CD36: variants seen among roughly 807,000 people sequenced by gnomAD.
CD36 encodes the protein platelet glycoprotein 4.
A neutral mutation model predicts 55.2 loss-of-function variants in CD36; 119 were observed. The observed-to-expected ratio is 2.15, with a 90% CI of 1.86 to 2.51. The LOEUF (loss-of-function observed/expected upper bound fraction) is 2.51. CD36 is among the 30% of genes most tolerant of loss of function. The pLI is 0.00. For synonymous variants in CD36, 186 were observed against 193.6 expected, an observed-to-expected ratio of 0.96 and a Z score of 0.33; for missense variants, 819 against 555.5, an observed-to-expected ratio of 1.47 and a Z score of -4.77.
chr7:80,636,935 C>T (rs1312404504), upstream of CD36: 1 of 151,990 alleles, frequency 6.6e-6, no homozygotes, highest in Non-Finnish European at 1.5e-5. Flanking sequence ...TCATGGGACT[C>T]TGTGACATTT....
chr7:80,632,011 G>A (rs1011299971), intron 1 of CD36, among the ~76,000 whole-genome samples: 4 of 151,760 alleles, frequency 2.6e-5, no homozygotes, highest in Non-Finnish European at 4.4e-5. Context: ...TTGAGAAGTA[G>A]CACTCCAAAC....
intron 13 of CD36, chr7:80,673,617 A>G (rs1797948418): frequency 3.5e-6 from 2 of 570,160 alleles, no homozygotes; most frequent in Non-Finnish European, 6.3e-6. Flanking sequence ...AAATGCATCT[A>G]TTAAACACAT....
rs749655880 is a variant in CD36 at position 80,673,424 on chromosome 7, C to CTGTT, written c.1254+16_1254+19dup. On this transcript the variant is annotated intron_variant, in intron 13 of 14. Coordinates refer to ENST00000447544, the MANE Select transcript of CD36 (RefSeq NM_001001548.3). ...GGCTTAATGAGGTTTGTATTTGCAG[C>CTGTT]TGTTAGTCATTAAAAACAACCTTCT... The CTGTT allele has an allele frequency of 5.3e-6, 8 of 1,516,506 alleles. No individual in the cohort carries two copies. Among genetic ancestry groups the CTGTT allele is most frequent in the African/African-American group, 1.4e-5 (1 of 72,948 alleles). 93.9% of individuals were successfully genotyped at this position (1,516,506 alleles called of 1,614,324 possible). A position where few individuals can be genotyped will look rare whatever the true frequency, so the allele number is the denominator to read the frequency against.
At chr7:80,613,232 A>G (rs1024766430) in intron 1 of CD36, among the ~76,000 whole-genome samples, 1 of 152,094 alleles carries the variant, frequency 6.6e-6, no homozygotes, top group Admixed American at 6.5e-5. Context: ...TTTAAACATG[A>G]GCTGCATGAT....
At chr7:80,633,388 C>T (rs1200717072) in intron 1 of CD36, 2 of 151,922 alleles carry the variant, frequency 1.3e-5, no homozygotes, top group Non-Finnish European at 2.9e-5. Flanking sequence ...ACTTTTAATG[C>T]AGTATGTTTG....
In CD36 at chr7:80,670,021, A is replaced by T. The variant is rs778804205; in HGVS notation, c.817A>T (p.Arg273Trp). 5 of 1,591,092 alleles carry T rather than the reference A, an allele frequency of 3.1e-6. No individual in the cohort carries two copies. Among genetic ancestry groups the T allele is most frequent in the Non-Finnish European group, 4.3e-6 (5 of 1,159,928 alleles). The change falls in exon 9 of 15, where the codon AGG becomes TGG. Residue 273 changes from arginine (R) to tryptophan (W), a missense_variant and splice_region_variant. Transcript: ENST00000447544. ...GCAGTTCTTTTCTTCTGATATTTGC[A>T]GGTAAGACAGATACTGAAGTATAAG... ...VLQFFSSDIC[R>W]SIYAVFESDV...
intron 3 of CD36, among the ~76,000 whole-genome samples, chr7:80,648,855 T>C (rs556000653): frequency 5.3e-4 from 80 of 152,138 alleles, no homozygotes; most frequent in African/African-American, 1.9e-3. Flanking sequence ...GACTGATTGA[T>C]AGTATGAAAA....
intron 1 of CD36, among the ~76,000 whole-genome samples, chr7:80,645,581 G>A (rs111539821): frequency 0.15 from 23,006 of 151,804 alleles, 2,634 homozygotes; most frequent in East Asian, 0.33. Context: ...GCAGTGAGCC[G>A]AGATCGTGCC....
At chr7:80,656,799 T>C in intron 4 of CD36, 99 bp downstream of exon 4, 1 of 1,095,584 alleles carries the variant, frequency 9.1e-7, no homozygotes, top group Non-Finnish European at 1.4e-6. Flanking sequence ...AATGTACTTA[T>C]TATTTTCTTG....
intron 3 of CD36, among the ~76,000 whole-genome samples, chr7:80,652,956 T>G (rs955643402): frequency 6.6e-5 from 10 of 152,212 alleles, no homozygotes; most frequent in African/African-American, 2.4e-4. Context: ...AATTCAACTT[T>G]TTTTGATTTT....
intron 11 of CD36, 126 bp downstream of exon 11, chr7:80,672,166 G>C (rs1797748713): frequency 1.2e-6 from 1 of 819,324 alleles, no homozygotes; most frequent in South Asian, 1.7e-5. Context: ...ATTCTTGAAA[G>C]TTACTGAAAC....
intron 1 of CD36, among the ~76,000 whole-genome samples, chr7:80,640,502 G>A (rs1309390328): frequency 6.6e-6 from 1 of 151,932 alleles, no homozygotes; most frequent in African/African-American, 2.4e-5. Flanking sequence ...AGAGAAAACT[G>A]TATCACAGAC....
At chr7:80,637,300 C>T (rs944347093), upstream of CD36, among the ~76,000 whole-genome samples, 1 of 151,696 alleles carries the variant, frequency 6.6e-6, no homozygotes, top group African/African-American at 2.4e-5. Context: ...CATTTTATAT[C>T]GTGCCACCAA....
chr7:80,636,033 T>C (rs1935330107), upstream of CD36, among the ~76,000 whole-genome samples: 1 of 151,944 alleles, frequency 6.6e-6, no homozygotes. Context: ...CAAAGTTCAG[T>C]GGTGAATTAA....
intron 1 of CD36, chr7:80,624,156 T>C (rs1250903658): frequency 6.6e-6 from 1 of 152,206 alleles, no homozygotes; most frequent in East Asian, 1.9e-4. Flanking sequence ...GCATTAACAT[T>C]TGTGGCCTTG....
At chr7:80,675,804 G>A (rs562310051) in intron 14 of CD36, among the ~76,000 whole-genome samples, 1 of 152,136 alleles carries the variant, frequency 6.6e-6, no homozygotes, top group East Asian at 1.9e-4. Context: ...GAGCTTTAAT[G>A]TGTGGTTTTA....
At chr7:80,670,091 C>A in intron 9 of CD36, 69 bp downstream of exon 9, 1 of 904,104 alleles carries the variant, frequency 1.1e-6, no homozygotes, top group Non-Finnish European at 1.9e-6. Flanking sequence ...GACCAAGAAA[C>A]TTAAACACAG....
chr7:80,631,346 G>A (rs1794064348), intron 1 of CD36, among the ~76,000 whole-genome samples: 1 of 152,044 alleles, frequency 6.6e-6, no homozygotes, highest in Non-Finnish European at 1.5e-5. Context: ...TTAGAAGGAT[G>A]AAAGATTTCT....
intron 1 of CD36, among the ~76,000 whole-genome samples, chr7:80,629,387 T>C (rs1793936189): frequency 6.6e-6 from 1 of 152,072 alleles, no homozygotes; most frequent in African/African-American, 2.4e-5. Flanking sequence ...CACATTTTCA[T>C]GAGTTCTGGG....
Sources: allele counts gnomAD v4.1 joint callset (sites outside exome capture counted in the v4.1 genomes callset), GRCh38; gene constraint gnomAD v4.1.1; transcripts MANE v1.5; gene names NCBI Gene and HGNC (gene_info 2026-07-23, HGNC 2026-07-21).